MICAL3: variants seen among roughly 807,000 people sequenced by gnomAD.
MICAL3 encodes the protein [F-actin]-monooxygenase MICAL3.
A neutral mutation model predicts 207.4 loss-of-function variants in MICAL3; 62 were observed. The observed-to-expected ratio is 0.30, with a 90% CI of 0.24 to 0.37. The LOEUF (loss-of-function observed/expected upper bound fraction) is 0.37. Among genes scored for constraint, MICAL3 ranks in the 10% least tolerant of loss-of-function variants. MICAL3 has a pLI of 1.00. For synonymous variants in MICAL3, 1,077 were observed against 1,069.3 expected (o/e 1.01, Z -0.14); for missense variants, 2,368 against 2,635.6 (o/e 0.90, Z 2.22).
At chr22:17,949,425 G>T (rs1254453289) in intron 1 of MICAL3, among the ~76,000 whole-genome samples, 1 of 152,014 alleles carries the variant, frequency 6.6e-6, no homozygotes, top group African/African-American at 2.4e-5. Flanking sequence ...CTAAATTAAG[G>T]TTCAGGAAGT....
chr22:17,902,862 A>AGCCTGCT lies in MICAL3; in HGVS notation c.473-122_473-116dup. 1.6e-6 allele frequency: 1 copy of AGCCTGCT among 631,548 alleles called. No individual in the cohort carries two copies. The highest frequency in any genetic ancestry group is 2.8e-6 in the Non-Finnish European group (1 of 352,722). The allele number at this position is 631,548 out of a possible 1,614,324, so 39.1% of individuals were successfully genotyped here. A position where few individuals can be genotyped will look rare whatever the true frequency, so the allele number is the denominator to read the frequency against. On this transcript the variant is annotated intron_variant, in intron 3 of 31. Coordinates refer to ENST00000441493, the MANE Select transcript of MICAL3 (RefSeq NM_015241.3). The surrounding 1 kb of genome is among the most constrained non-coding windows in gnomAD (Gnocchi z 4.5). ...ACGCCCCCTTCATTCAGATTCCCAAAGCCTGCTGTAGCAGGAGACCTTCCA... is the reference window on the plus strand; with the variant it reads ...ACGCCCCCTTCATTCAGATTCCCAAAGCCTGCTGCCTGCTGTAGCAGGAGACCTTCCA...
chr22:17,964,719 G>A (rs1022874949), intron 1 of MICAL3, among the ~76,000 whole-genome samples: 4 of 152,188 alleles, frequency 2.6e-5, no homozygotes, highest in African/African-American at 9.6e-5. Context: ...AAACCAGCTG[G>A]TTTCTGGTAC....
At chr22:17,825,943 G>A (rs892006587) in intron 22 of MICAL3, among the ~76,000 whole-genome samples, 3 of 152,110 alleles carry the variant, frequency 2.0e-5, no homozygotes, top group African/African-American at 4.8e-5. Flanking sequence ...TTTGACTGGT[G>A]TCACCCCTGG....
chr22:17,799,572 G>C (rs1351614177), intron 29 of MICAL3, among the ~76,000 whole-genome samples: 1 of 152,238 alleles, frequency 6.6e-6, no homozygotes, highest in Non-Finnish European at 1.5e-5. Context: ...CCCCAACCCA[G>C]GAAGCCTATT....
In MICAL3 at chr22:17,991,663, A is replaced by T. The variant is rs552821342; in HGVS notation, c.-75+32618T>A. On this transcript the variant is annotated intron_variant, in intron 1 of 31. Transcript: ENST00000441493. Reference sequence around the variant, plus strand: ...GGTGTTTAACTCATTTATAGAAGACATAAGTAATTTCTATTTGAATGGACC... The same window carrying T: ...GGTGTTTAACTCATTTATAGAAGACTTAAGTAATTTCTATTTGAATGGACC... 1.2e-4 allele frequency among the ~76,000 whole-genome samples: 19 copies of T among 152,318 alleles called. No homozygotes were observed. The South Asian group carries it at 3.9e-3, about 32-fold the overall frequency.
At chr22:17,864,832 C>A (rs201700948) in intron 19 of MICAL3, 67 bp downstream of exon 19, 2 of 1,613,882 alleles carry the variant, frequency 1.2e-6, no homozygotes, top group South Asian at 1.1e-5. Context: ...CTGGCTCATG[C>A]CCTTGGCCTT....
intron 1 of MICAL3, among the ~76,000 whole-genome samples, chr22:17,943,676 G>A (rs545960421): frequency 1.3e-5 from 2 of 152,330 alleles, no homozygotes; most frequent in Admixed American, 6.5e-5. Flanking sequence ...GTTTGATAGC[G>A]TAAACTGGAG....
intron 1 of MICAL3, among the ~76,000 whole-genome samples, chr22:17,909,988 C>T (rs1423953070): frequency 1.3e-5 from 2 of 152,214 alleles, no homozygotes; most frequent in Non-Finnish European, 2.9e-5. Context: ...CACAGTCAAC[C>T]TGAACTCCAC....
rs543192660 is a variant in MICAL3, at chr22:17,961,462, G to T, written c.-74-54576C>A. Among the ~76,000 whole-genome samples the T allele has an allele frequency of 1.2e-3, 187 of 152,176 alleles. 2 individuals are homozygous for T. The highest frequency in any genetic ancestry group is 5.6e-4 in the Non-Finnish European group (38 of 67,980). ...TTCCCCCTCAGATCTGACCAGGAGG[G>T]CATCAGTCTCCAAATCTGCCTCCTT... On this transcript the variant is annotated intron_variant, in intron 1 of 31. Transcript: ENST00000441493.
rs1320348304 is a variant in MICAL3 at position 17,902,669 on chromosome 22, T to C, written c.551A>G (p.Gln184Arg). 4 of 1,607,946 alleles carry C rather than the reference T, an allele frequency of 2.5e-6. No individual in the cohort carries two copies. In the Admixed American group the frequency reaches 5.1e-5, roughly 20 times the overall value. The change falls in exon 4 of 32, where the codon CAA (glutamine) becomes CGA (arginine). Residue 184 changes from glutamine to arginine, a missense_variant. Physicochemically the swap from Gln to Arg is conservative, Grantham distance 43 (BLOSUM62 1). Transcript: ENST00000441493. The surrounding 1 kb of genome is among the most constrained non-coding windows in gnomAD (Gnocchi z 4.5). ...GTCCTCAGGAGGCTGTATAAGTCCT[T>C]GGAATTCCACATTGACGTGGATTTC... ...GIEIHVNVEF[Q>R]GLIQPPEDQE... is the part of the protein sequence containing the mutation.
intron 1 of MICAL3, among the ~76,000 whole-genome samples, chr22:17,978,590 T>C (rs112184090): frequency 0.049 from 7,448 of 151,888 alleles, 595 homozygotes; most frequent in African/African-American, 0.17. Flanking sequence ...CTCAGCTCAC[T>C]GTTACCTCCG....
intron 20 of MICAL3, among the ~76,000 whole-genome samples, chr22:17,835,335 C>T (rs1923250844): frequency 6.6e-6 from 1 of 152,230 alleles, no homozygotes; most frequent in Non-Finnish European, 1.5e-5. Flanking sequence ...GACACCTTGG[C>T]GCTTGCTTCT....
chr22:17,861,051 G>A (rs1170905315), intron 19 of MICAL3: 1 of 985,298 alleles, frequency 1.0e-6, no homozygotes, highest in Non-Finnish European at 1.2e-6. Flanking sequence ...TGGCTCTTGG[G>A]GTAAGGTGGG....
chr22:17,963,881 G>C (rs1271858791), intron 1 of MICAL3, among the ~76,000 whole-genome samples: 1 of 152,196 alleles, frequency 6.6e-6, no homozygotes, highest in African/African-American at 2.4e-5. Context: ...GGGTCAAATA[G>C]GCACAAGGTC....
intron 1 of MICAL3, among the ~76,000 whole-genome samples, chr22:17,988,930 G>A (rs1921343477): frequency 6.6e-6 from 1 of 152,174 alleles, no homozygotes. Context: ...AACAGCAGAG[G>A]GGAGCAGCCG....
At chr22:18,018,526 C>T (rs994041107) in intron 1 of MICAL3, among the ~76,000 whole-genome samples, 1 of 151,980 alleles carries the variant, frequency 6.6e-6, no homozygotes, top group African/African-American at 2.4e-5. Context: ...GAGTTTGAGA[C>T]CAGCCTGGCC....
chr22:17,990,923 G>A (rs1273680733), intron 1 of MICAL3, among the ~76,000 whole-genome samples: 1 of 152,166 alleles, frequency 6.6e-6, no homozygotes, highest in African/African-American at 2.4e-5. Flanking sequence ...TGATCTATAT[G>A]CCCTGCTGGA....
At position 17,817,938 on chromosome 22, in the gene MICAL3, G is replaced by A. The variant is rs1412940120; in HGVS notation, c.4723C>T (p.Leu1575=). The stretch of plus-strand genomic sequence containing the variant: ...GGCAGCCCCCTCTTCTGTGGCTGCA[G>A]CGTCCCCTCCAGAGCAGGCAGCCTC... ...NGRLPALEGT[L]QPQKRGLPLV... is the part of the protein sequence containing the mutation. Residue 1575 remains leucine, a synonymous_variant, in exon 26 of 32, where the codon CTG becomes TTG. Transcript: ENST00000441493. The A allele has an allele frequency of 1.1e-5, 17 of 1,612,458 alleles. No individual in the cohort carries two copies. The highest frequency in any genetic ancestry group is 2.2e-5 in the East Asian group (1 of 44,854).
chr22:17,876,838 G>GGCAGTTAT (rs1928511284), intron 16 of MICAL3: 9 of 58,948 alleles, frequency 1.5e-4, no homozygotes, highest in Admixed American at 4.6e-4. Context: ...ATGGAGGTTA[G>GGCAGTTAT]GGAGGTTAGG....
Sources: gnomAD v4.1 joint callset for allele counts (sites outside exome capture counted in the v4.1 genomes callset) on GRCh38, gnomAD v4.1.1 for gene constraint, Gnocchi (gnomAD v3.1) non-coding constraint, MANE v1.5 for transcripts, NCBI Gene and HGNC (gene_info 2026-07-23, HGNC 2026-07-21) for gene names.